The following PPHLN1 variants were observed in gnomAD, a reference collection of about 807,000 sequenced individuals.
PPHLN1 encodes the protein periphilin 1.
A neutral mutation model predicts 51.3 loss-of-function variants in PPHLN1; 29 were observed. The observed-to-expected ratio is 0.57, with a 90% CI of 0.42 to 0.77. The LOEUF (loss-of-function observed/expected upper bound fraction) is 0.77. Ranked by LOEUF, PPHLN1 falls within the 30% of genes least tolerant of loss-of-function variation. The pLI, the probability that PPHLN1 is intolerant of heterozygous loss-of-function variation, is 0.00. For synonymous variants in PPHLN1, 147 were observed against 147.8 expected, an observed-to-expected ratio of 0.99 and a Z score of 0.04; for missense variants, 436 against 438.4, an observed-to-expected ratio of 0.99 and a Z score of 0.05.
intron 2 of PPHLN1, among the ~76,000 whole-genome samples, chr12:42,349,773 A>G (rs2072942869): frequency 6.6e-6 from 1 of 152,120 alleles, no homozygotes; most frequent in Admixed American, 6.5e-5. Context: ...TTTTCTTAGT[A>G]CAGAACAAAA....
intron 5 of PPHLN1, among the ~76,000 whole-genome samples, chr12:42,384,196 G>T (rs2077003270): frequency 6.6e-6 from 1 of 151,768 alleles, no homozygotes; most frequent in South Asian, 2.1e-4. Context: ...ACATTTTAAG[G>T]CAAGATGCTG....
Position 42,362,143 on chromosome 12 carries a change from T to G in PPHLN1, c.299+6921T>G, listed in dbSNP as rs181151936. On this transcript the variant is annotated intron_variant, in intron 4 of 9. Transcript: ENST00000358314. ...TTTGCATTTTCCTAATGATGACTAG[T>G]GGTGATGAACATCATTTCTTGTGCT... Among the ~76,000 whole-genome samples, 490 of 152,326 alleles carry G rather than the reference T, an allele frequency of 3.2e-3. 1 individual carries two copies. Among genetic ancestry groups the G allele is most frequent in the Non-Finnish European group, 5.7e-3 (388 of 68,032 alleles).
chr12:42,364,291 A>T (rs2138528425), intron 4 of PPHLN1, among the ~76,000 whole-genome samples: 1 of 152,078 alleles, frequency 6.6e-6, no homozygotes, highest in African/African-American at 2.4e-5. Context: ...TAATGTTGAA[A>T]AATATGGAAC....
intron 6 of PPHLN1, among the ~76,000 whole-genome samples, chr12:42,385,283 T>A (rs1360556829): frequency 1.3e-5 from 2 of 152,354 alleles, no homozygotes; most frequent in African/African-American, 2.4e-5. Flanking sequence ...GATTTCTGTT[T>A]ACTCTTTTTG....
chr12:42,332,650 C>T, intron 1 of PPHLN1: 2 of 1,567,142 alleles, frequency 1.3e-6, no homozygotes, highest in Non-Finnish European at 1.8e-6. Flanking sequence ...TGTATTTCCC[C>T]CCCTTACAGG....
In PPHLN1 at chr12:42,332,069, G is replaced by A. The variant is rs561365899; in HGVS notation, c.-20-3814G>A. The stretch of plus-strand genomic sequence containing the variant: ...ATAAAAAATAAAATTAGCCAGGTGT[G>A]GTGGTATGCCTGTGGTTCCAGCTAC... On this transcript the variant is annotated intron_variant, in intron 1 of 9. Transcript: ENST00000358314. Among the ~76,000 whole-genome samples the A allele has an allele frequency of 3.9e-5, 6 of 152,196 alleles. No individual in the cohort carries two copies. The South Asian group carries it at 1.2e-3, about 32-fold the overall frequency.
chr12:42,413,188 GGCCAAT>G (rs1198147262), intron 9 of PPHLN1, among the ~76,000 whole-genome samples: 3 of 152,008 alleles, frequency 2.0e-5, no homozygotes, highest in African/African-American at 2.4e-5. Context: ...TCTTTGCTTA[GGCCAAT>G]GTCCAGAAGA....
At chr12:42,433,958 A>T (rs921890558) in intron 9 of PPHLN1, among the ~76,000 whole-genome samples, 1 of 152,312 alleles carries the variant, frequency 6.6e-6, no homozygotes, top group South Asian at 2.1e-4. Flanking sequence ...TTAAAAAAAC[A>T]TAACACCACC....
At chr12:42,364,552 A>T (rs2075056160) in intron 4 of PPHLN1, among the ~76,000 whole-genome samples, 1 of 151,994 alleles carries the variant, frequency 6.6e-6, no homozygotes, top group Admixed American at 6.6e-5. Context: ...TGAGCCTGGG[A>T]GGTTGAGGCT....
At chr12:42,329,298 G>A (rs2069314293) in intron 1 of PPHLN1, among the ~76,000 whole-genome samples, 1 of 151,640 alleles carries the variant, frequency 6.6e-6, no homozygotes, top group South Asian at 2.1e-4. Context: ...GTAGAGATGG[G>A]GTTTCACCGT....
At chr12:42,353,885 A>G (rs2073712850) in intron 3 of PPHLN1, among the ~76,000 whole-genome samples, 2 of 152,152 alleles carry the variant, frequency 1.3e-5, no homozygotes, top group African/African-American at 4.8e-5. Context: ...TATTGTTACC[A>G]ATTGTGTTTG....
intron 9 of PPHLN1, 124 bp downstream of exon 9, chr12:42,399,118 A>C: frequency 7.0e-7 from 1 of 1,435,066 alleles, no homozygotes; most frequent in Non-Finnish European, 9.1e-7. Context: ...ACAACTTAAA[A>C]AATTATAAAA....
At chr12:42,349,869 A>G (rs1203700094) in intron 2 of PPHLN1, among the ~76,000 whole-genome samples, 2 of 152,104 alleles carry the variant, frequency 1.3e-5, no homozygotes, top group African/African-American at 2.4e-5. Flanking sequence ...CCCCTTTTCT[A>G]TTTGACAAAA....
intron 5 of PPHLN1, among the ~76,000 whole-genome samples, chr12:42,377,608 C>G (rs1025717129): frequency 6.6e-6 from 1 of 152,068 alleles, no homozygotes; most frequent in Admixed American, 6.5e-5. Flanking sequence ...TCTGCCCTTA[C>G]GACCTGTTTT....
chr12:42,374,997 C>G lies in PPHLN1; in HGVS notation c.434C>G (p.Ser145Cys), dbSNP rs779803323. ...VGRKDSPHSR[S>C]GSSVSSRSYS... Reference sequence around the variant, plus strand: ...CGAAAGGATTCTCCACACAGCAGATCTGGTTCCAGTGTCAGTAGCAGAAGC... The same window carrying G: ...CGAAAGGATTCTCCACACAGCAGATGTGGTTCCAGTGTCAGTAGCAGAAGC... The change falls in exon 5 of 10, where the codon TCT becomes TGT. Residue 145 changes from serine (S) to cysteine (C), a missense_variant. Ser to Cys is a moderately radical substitution (Grantham distance 112). Transcript: ENST00000358314. 6.2e-7 allele frequency: 1 copy of G among 1,614,010 alleles called. No homozygotes were observed. Among genetic ancestry groups the G allele is most frequent in the Non-Finnish European group, 8.5e-7 (1 of 1,179,966 alleles).
chr12:42,358,617 G>GA (rs2074300195), intron 4 of PPHLN1, among the ~76,000 whole-genome samples: 1 of 152,082 alleles, frequency 6.6e-6, no homozygotes, highest in Non-Finnish European at 1.5e-5. Flanking sequence ...TATTGCCTAG[G>GA]ATGGTCTTGA....
chr12:42,335,899 C>T lies in PPHLN1; in HGVS notation c.-4C>T, dbSNP rs745559813. The T allele has an allele frequency of 1.7e-5, 27 of 1,564,722 alleles. No homozygotes were observed. Among genetic ancestry groups the T allele is most frequent in the African/African-American group, 2.8e-5 (2 of 72,490 alleles). On this transcript the variant is annotated 5_prime_UTR_variant, in exon 2 of 10. In the 5' UTR this introduces an upstream ATG that the reference lacks. Transcript: ENST00000358314. ...TTTCTTTAGTGGCTTACAGAAGAGA[C>T]GAAATGTGGTCTGAGGGACGATATG...
intron 9 of PPHLN1, among the ~76,000 whole-genome samples, chr12:42,419,611 G>C (rs1592892578): frequency 6.6e-6 from 1 of 152,158 alleles, no homozygotes; most frequent in Non-Finnish European, 1.5e-5. Context: ...TTTCACTTTT[G>C]AAGATTGAAT....
intron 7 of PPHLN1, 148 bp downstream of exon 7, chr12:42,387,683 C>A: frequency 1.0e-6 from 1 of 965,542 alleles, no homozygotes; most frequent in Non-Finnish European, 1.5e-6. Context: ...TGTGGTGGCT[C>A]ATGCCTGTAA....
Sources: gnomAD v4.1 joint callset for allele counts (sites outside exome capture counted in the v4.1 genomes callset) on GRCh38, gnomAD v4.1.1 for gene constraint, MANE v1.5 for transcripts, NCBI Gene and HGNC (gene_info 2026-07-23, HGNC 2026-07-21) for gene names.